The following HBP1 variants were observed in gnomAD, a reference collection of about 807,000 sequenced individuals.
The protein encoded by HBP1 is HMG-box transcription factor 1.
In HBP1, 20 loss-of-function variants were observed where a neutral mutation model predicts 62.6. The observed-to-expected ratio is 0.32, with a 90% CI of 0.22 to 0.46. The LOEUF (loss-of-function observed/expected upper bound fraction) is 0.46. Among genes scored for constraint, HBP1 ranks in the 20% least tolerant of loss-of-function variants. The pLI, the probability that HBP1 is intolerant of heterozygous loss-of-function variation, is 1.00. For synonymous variants in HBP1, 232 were observed against 206.2 expected (o/e 1.12, Z -1.07); for missense variants, 480 against 611.8 (o/e 0.78, Z 2.27).
chr7:107,171,062 TA>T (rs1372133963), intron 1 of HBP1, among the ~76,000 whole-genome samples: 2,103 of 67,314 alleles, frequency 0.031, 213 homozygotes, highest in Non-Finnish European at 0.04. Flanking sequence ...TATATATATA[TA>T]TATATATATA....
At chr7:107,192,015 C>G (rs894963852) in intron 8 of HBP1, among the ~76,000 whole-genome samples, 3 of 152,120 alleles carry the variant, frequency 2.0e-5, no homozygotes, top group African/African-American at 7.2e-5. Flanking sequence ...CAGGGATCCT[C>G]TCCCAGTGGA....
chr7:107,187,051 G>A (rs909146100), intron 6 of HBP1, among the ~76,000 whole-genome samples: 2 of 152,092 alleles, frequency 1.3e-5, no homozygotes, highest in African/African-American at 2.4e-5. Flanking sequence ...AGGAGATCGC[G>A]ACCATCCTGG....
intron 1 of HBP1, among the ~76,000 whole-genome samples, 191 bp downstream of exon 1, chr7:107,169,376 A>T (rs1215058683): frequency 7.1e-6 from 1 of 141,674 alleles, no homozygotes; most frequent in Non-Finnish European, 1.5e-5. Flanking sequence ...CCGCGAGCTC[A>T]CCTGGGCTTC....
At chr7:107,188,913 A>G (rs781122066) in intron 6 of HBP1, among the ~76,000 whole-genome samples, 4 of 152,084 alleles carry the variant, frequency 2.6e-5, no homozygotes, top group Non-Finnish European at 5.9e-5. Context: ...CTCACCTTGT[A>G]TTTTTAGCAA....
intron 8 of HBP1, among the ~76,000 whole-genome samples, chr7:107,195,359 C>T (rs927123684): frequency 1.3e-5 from 2 of 152,176 alleles, no homozygotes; most frequent in Non-Finnish European, 2.9e-5. Flanking sequence ...CTTTTCACTG[C>T]CTTTCCCAAC....
intron 1 of HBP1, among the ~76,000 whole-genome samples, chr7:107,176,009 C>T (rs1796831285): frequency 6.7e-6 from 1 of 149,718 alleles, no homozygotes; most frequent in South Asian, 2.1e-4. Flanking sequence ...AGCCACCGCA[C>T]CCGGCTTTTT....
chr7:107,180,128 G>C (rs1208999884), intron 2 of HBP1, 66 bp downstream of exon 2: 2 of 955,104 alleles, frequency 2.1e-6, no homozygotes, highest in Non-Finnish European at 3.2e-6. Context: ...TACTTAGCCC[G>C]CTTCTCCACC....
intron 2 of HBP1, among the ~76,000 whole-genome samples, chr7:107,181,879 C>T (rs954925330): frequency 3.3e-5 from 5 of 151,694 alleles, no homozygotes; most frequent in South Asian, 2.1e-4. Context: ...CATGAATTGC[C>T]TTTTAGGAAT....
chr7:107,197,857 A>G (rs1273102615), intron 9 of HBP1, among the ~76,000 whole-genome samples: 1 of 152,218 alleles, frequency 6.6e-6, no homozygotes, highest in African/African-American at 2.4e-5. Context: ...CTTTAAAGAC[A>G]TTTTAAGAGT....
intron 1 of HBP1, chr7:107,170,055 T>C: frequency 1.0e-6 from 1 of 985,390 alleles, no homozygotes; most frequent in Non-Finnish European, 1.2e-6. Flanking sequence ...CACTCTCCGC[T>C]GTGCACTCTA....
In HBP1 at chr7:107,179,899, G is replaced by A; in HGVS notation, c.6G>A (p.Val2=). The A allele has an allele frequency of 6.3e-7, 1 of 1,588,578 alleles. No homozygotes were observed. Among genetic ancestry groups the A allele is most frequent in the Non-Finnish European group, 8.6e-7 (1 of 1,159,658 alleles). M[V]WEVKTNQMPN... ...TTAAGTCAGAGCACCATAACATGGT[G>A]TGGGAAGTGAAGACAAATCAGATGC... The change falls in exon 2 of 11, where the codon GTG becomes GTA. Residue 2 remains valine, a synonymous_variant. Coordinates refer to ENST00000222574, the MANE Select transcript of HBP1 (RefSeq NM_012257.4).
chr7:107,198,316 T>G (rs1302547426), intron 9 of HBP1, among the ~76,000 whole-genome samples: 1 of 151,982 alleles, frequency 6.6e-6, no homozygotes, highest in African/African-American at 2.4e-5. Flanking sequence ...TTGAAGTGAT[T>G]CTCCTGCCTC....
chr7:107,178,445 C>A (rs551492328), intron 1 of HBP1, among the ~76,000 whole-genome samples: 1 of 152,284 alleles, frequency 6.6e-6, no homozygotes, highest in South Asian at 2.1e-4. Context: ...ACCACATTTT[C>A]CTTTCATAAT....
Position 107,169,841 on chromosome 7 carries a change from G to T in HBP1, c.-16+656G>T, listed in dbSNP as rs147847983. On this transcript the variant is annotated intron_variant, in intron 1 of 10. Coordinates refer to ENST00000222574, the MANE Select transcript of HBP1 (RefSeq NM_012257.4). ...AAGGGAGGGGAACGCGATGAATGGC[G>T]AAAGAGGGTGGGGGATGGACTTGGC... 5.0e-4 allele frequency: 488 copies of T among 985,420 alleles called. 11 individuals are homozygous for T. In the East Asian group the frequency reaches 0.044, roughly 89 times the overall value. The allele number at this position is 985,420 out of a possible 1,614,324, so 61.0% of individuals were successfully genotyped here. A position where few individuals can be genotyped will look rare whatever the true frequency, so the allele number is the denominator to read the frequency against.
At chr7:107,190,453 A>G (rs1332324908) in intron 8 of HBP1, 136 bp downstream of exon 8, 6 of 604,680 alleles carry the variant, frequency 9.9e-6, no homozygotes, top group Non-Finnish European at 1.1e-5. Context: ...TTAAGAGGAA[A>G]GTATGACATG....
At chr7:107,198,055 T>C (rs922862125) in intron 9 of HBP1, among the ~76,000 whole-genome samples, 1 of 152,214 alleles carries the variant, frequency 6.6e-6, no homozygotes, top group Non-Finnish European at 1.5e-5. Flanking sequence ...TAGTTGAGAA[T>C]GTCAGCTGGG....
intron 8 of HBP1, chr7:107,193,064 TTGA>T (rs1797730613): frequency 6.6e-6 from 1 of 152,160 alleles, no homozygotes; most frequent in African/African-American, 2.4e-5. Context: ...CAGCAATCAG[TTGA>T]TGAGCTCTCA....
At chr7:107,195,768 C>A in intron 8 of HBP1, 66 bp from the exon 9 acceptor site, 3 of 723,438 alleles carry the variant, frequency 4.1e-6, no homozygotes, top group Non-Finnish European at 5.9e-6. Flanking sequence ...TTTTTTTAAC[C>A]TGCTTTTTAG....
chr7:107,172,256 A>G (rs148221720), intron 1 of HBP1, among the ~76,000 whole-genome samples: 143 of 152,316 alleles, frequency 9.4e-4, no homozygotes, highest in Non-Finnish European at 1.8e-3. Context: ...TTTATCTTAT[A>G]CTTTTGAGGA....
Sources: allele counts gnomAD v4.1 joint callset (sites outside exome capture counted in the v4.1 genomes callset), GRCh38; gene constraint gnomAD v4.1.1; transcripts MANE v1.5; gene names NCBI Gene and HGNC (gene_info 2026-07-23, HGNC 2026-07-21).